BCL6: variants seen among roughly 807,000 people sequenced by gnomAD.
The protein encoded by BCL6 is BCL6 transcription repressor, also known as B-cell lymphoma 6 protein.
In BCL6, 7 loss-of-function variants were observed where a neutral mutation model predicts 59.5. The ratio of observed to expected loss-of-function variants is 0.12; its 90% CI spans 0.07 to 0.22. The LOEUF (loss-of-function observed/expected upper bound fraction) is 0.22, where lower values mean the gene tolerates loss of function less well. Ranked by LOEUF, BCL6 falls within the 10% of genes least tolerant of loss-of-function variation. The pLI is 1.00. For missense variants in BCL6, 685 were observed against 939.4 expected, an observed-to-expected ratio of 0.73 and a Z score of 3.54; for synonymous variants, 339 against 349.7, an observed-to-expected ratio of 0.97 and a Z score of 0.34.
chr3:187,739,115 C>G lies in BCL6; in HGVS notation c.-49-4208G>C, dbSNP rs76652567. Among the ~76,000 whole-genome samples the G allele has an allele frequency of 1.9e-4, 29 of 152,346 alleles. No individual in the cohort carries two copies. The East Asian group carries it at 5.6e-3, about 29-fold the overall frequency. The stretch of plus-strand genomic sequence containing the variant: ...TTGGAGAATGCCTTCCGCCCTTCCC[C>G]CCTCCTCTCCAGCCAGAGAGGCTAC... On this transcript the variant is annotated intron_variant, in intron 1 of 9. Transcript: ENST00000406870.
Position 187,729,551 on chromosome 3 carries a change from G to A in BCL6, c.854C>T (p.Ala285Val). 6.2e-7 allele frequency: 1 copy of A among 1,613,950 alleles called. No homozygotes were observed. Among genetic ancestry groups the A allele is most frequent in the Non-Finnish European group, 8.5e-7 (1 of 1,180,028 alleles). Residue 285 changes from alanine to valine, a missense_variant, in exon 5 of 10, where the codon GCC becomes GTC. This residue lies in a region of BCL6 where 268 missense variants were observed against 263.8 expected (regional missense o/e 1.02). Transcript: ENST00000406870. This position sits in a 1 kb window ranked among gnomAD's most constrained non-coding sequence, Gnocchi z 5.6. ...GTAGGGGGCATTTCGGGCTGAGGGGGCAGCAGGTTTGAGGCCCTCAGCCAC... is the reference window on the plus strand; with the variant it reads ...GTAGGGGGCATTTCGGGCTGAGGGGACAGCAGGTTTGAGGCCCTCAGCCAC... ...YSVAEGLKPA[A>V]PSARNAPYFP...
At chr3:187,733,050 A>C (rs1198900224) in intron 3 of BCL6, among the ~76,000 whole-genome samples, 1 of 152,232 alleles carries the variant, frequency 6.6e-6, no homozygotes, top group African/African-American at 2.4e-5. Flanking sequence ...AATACTTGAT[A>C]AACATGAAGA....
At chr3:187,744,830 A>G (rs1576885662) in intron 1 of BCL6, among the ~76,000 whole-genome samples, 1 of 152,252 alleles carries the variant, frequency 6.6e-6, no homozygotes, top group South Asian at 2.1e-4. Context: ...AGCAGTTTGC[A>G]AGCGAGAAAA....
chr3:187,729,157 T>A lies in BCL6; in HGVS notation c.1248A>T (p.Pro416=), dbSNP rs770802472. 6.2e-7 allele frequency: 1 copy of A among 1,608,430 alleles called. No individual in the cohort carries two copies. Among genetic ancestry groups the A allele is most frequent in the Non-Finnish European group, 8.5e-7 (1 of 1,176,176 alleles). The change falls in exon 5 of 10, where the codon CCA becomes CCT. Residue 416 remains proline, a synonymous_variant. Coordinates refer to ENST00000406870, the MANE Select transcript of BCL6 (RefSeq NM_001706.5). The surrounding 1 kb of genome is among the most constrained non-coding windows in gnomAD (Gnocchi z 5.6). ...GGTCAAGGTTCTCAGGCTCCATGGG[T>A]GGCTGGCAGGCAGGTGGGGCCGTGT... ...RAYTAPPACQ[P]PMEPENLDLQ...
chr3:187,735,151 A>G (rs1187302141), intron 1 of BCL6, among the ~76,000 whole-genome samples: 2 of 152,250 alleles, frequency 1.3e-5, no homozygotes, highest in Non-Finnish European at 2.9e-5. Context: ...TGCATACATT[A>G]ATTAGTTATA....
intron 1 of BCL6, among the ~76,000 whole-genome samples, chr3:187,743,015 G>A (rs1307251640): frequency 1.5e-5 from 2 of 133,118 alleles, no homozygotes; most frequent in Non-Finnish European, 3.2e-5. Context: ...GGATCTTGCC[G>A]CCCCCTCTTT....
At chr3:187,741,250 G>T (rs1711579549) in intron 1 of BCL6, among the ~76,000 whole-genome samples, 1 of 152,174 alleles carries the variant, frequency 6.6e-6, no homozygotes, top group African/African-American at 2.4e-5. Context: ...ATCTGGAGCT[G>T]GTTTCATGTA....
intron 1 of BCL6, among the ~76,000 whole-genome samples, chr3:187,745,169 C>A (rs541322544): frequency 6.6e-6 from 1 of 152,108 alleles, no homozygotes; most frequent in African/African-American, 2.4e-5. Context: ...GTGGGAGAGA[C>A]GTGGGACTAA....
chr3:187,743,757 G>A (rs1579830686), intron 1 of BCL6, among the ~76,000 whole-genome samples: 4 of 140,570 alleles, frequency 2.8e-5, no homozygotes, highest in East Asian at 2.3e-4. Flanking sequence ...CGCCCCCGGA[G>A]CTCAGCCGAT....
chr3:187,723,796 C>T (rs960496080), intron 9 of BCL6, among the ~76,000 whole-genome samples: 1 of 152,146 alleles, frequency 6.6e-6, no homozygotes, highest in African/African-American at 2.4e-5. Context: ...TCTGAATGGC[C>T]TGGGTCAATA....
chr3:187,727,297 C>T (rs1394100929), intron 6 of BCL6, among the ~76,000 whole-genome samples: 3 of 152,242 alleles, frequency 2.0e-5, no homozygotes, highest in Non-Finnish European at 1.5e-5. Context: ...GACCCTTTAC[C>T]TCTGAGCCTC....
chr3:187,723,709 G>A (rs765101562), intron 9 of BCL6, among the ~76,000 whole-genome samples: 1 of 152,196 alleles, frequency 6.6e-6, no homozygotes, highest in African/African-American at 2.4e-5. Flanking sequence ...GAGACATAGA[G>A]AATCTACTGT....
At chr3:187,722,766 T>C (rs1463239381) in intron 9 of BCL6, among the ~76,000 whole-genome samples, 165 bp from the exon 10 acceptor site, 1 of 152,234 alleles carries the variant, frequency 6.6e-6, no homozygotes, top group Non-Finnish European at 1.5e-5. Flanking sequence ...TGCCGACAGA[T>C]AAGCTAGCGT....
chr3:187,745,169 C>T (rs541322544), intron 1 of BCL6, among the ~76,000 whole-genome samples: 2 of 152,108 alleles, frequency 1.3e-5, no homozygotes, highest in South Asian at 2.1e-4. Flanking sequence ...GTGGGAGAGA[C>T]GTGGGACTAA....
chr3:187,722,847 T>C (rs192046016), intron 9 of BCL6, among the ~76,000 whole-genome samples: 3 of 152,218 alleles, frequency 2.0e-5, no homozygotes, highest in Admixed American at 1.3e-4. Flanking sequence ...CGTCCTTCCC[T>C]GCCTTAACTC....
At chr3:187,733,922 C>T (rs1719165620) in intron 2 of BCL6, 5 of 558,666 alleles carry the variant, frequency 8.9e-6, no homozygotes, top group Middle Eastern at 4.4e-4. Flanking sequence ...ATAGAAAGCC[C>T]TTTAGGGGAA....
chr3:187,737,282 T>C (rs1303004451), intron 1 of BCL6: 5 of 139,576 alleles, frequency 3.6e-5, no homozygotes, highest in South Asian at 2.2e-4. Flanking sequence ...GAGCTTTCCA[T>C]TGAAGAAGAA....
intron 1 of BCL6, among the ~76,000 whole-genome samples, chr3:187,743,742 C>T (rs1218859389): frequency 1.3e-5 from 2 of 150,376 alleles, no homozygotes; most frequent in Admixed American, 1.3e-4. Context: ...CCCTTTCTCC[C>T]CGCCCGCCCC....
Position 187,722,304 on chromosome 3 carries a change from G to GGCCCCACCCCC in BCL6, c.*153_*154insGGGGGTGGGGC. On this transcript the variant is annotated 3_prime_UTR_variant, in exon 10 of 10. Coordinates refer to ENST00000406870, the MANE Select transcript of BCL6 (RefSeq NM_001706.5). The stretch of plus-strand genomic sequence containing the variant: ...GCTGCTGCGGCTCCCAGTCCCCCAG[G>GGCCCCACCCCC]CCCCGACCCCCACCACCCCCAACCC... The GGCCCCACCCCC allele has an allele frequency of 3.2e-6, 1 of 309,312 alleles. No individual in the cohort carries two copies. Among genetic ancestry groups the GGCCCCACCCCC allele is most frequent in the Non-Finnish European group, 5.9e-6 (1 of 169,636 alleles). The allele number at this position is 309,312 out of a possible 1,614,324, so 19.2% of individuals were successfully genotyped here.
Sources: gnomAD v4.1 joint callset for allele counts (sites outside exome capture counted in the v4.1 genomes callset) on GRCh38, gnomAD v4.1.1 for gene constraint, gnomAD v4.1.1 regional missense constraint, Gnocchi (gnomAD v3.1) non-coding constraint, MANE v1.5 for transcripts, NCBI Gene and HGNC (gene_info 2026-07-23, HGNC 2026-07-21) for gene names.